The following TDRD3 variants were observed in gnomAD, a reference collection of about 807,000 sequenced individuals.
The protein encoded by TDRD3 is tudor domain containing 3, also known as tudor domain-containing protein 3.
TDRD3 carries 45 observed loss-of-function variants against 86.7 expected under a neutral mutation model. The ratio of observed to expected loss-of-function variants is 0.52; its 90% confidence interval spans 0.41 to 0.67. TDRD3 has a LOEUF of 0.67. Ranked by LOEUF, TDRD3 falls within the 30% of genes least tolerant of loss-of-function variation. The pLI, the probability that TDRD3 is intolerant of heterozygous loss-of-function variation, is 0.00. For synonymous variants in TDRD3, 298 were observed against 301.7 expected, an observed-to-expected ratio of 0.99 and a Z score of 0.13; for missense variants, 814 against 889.0, an observed-to-expected ratio of 0.92 and a Z score of 1.07.
intron 5 of TDRD3, among the ~76,000 whole-genome samples, chr13:60,478,265 T>C (rs1956232413): frequency 6.6e-6 from 1 of 151,890 alleles, no homozygotes; most frequent in Admixed American, 6.6e-5. Flanking sequence ...TCTCTCTTTT[T>C]TGTTAATCTA....
At chr13:60,500,362 G>A (rs1321977108) in intron 8 of TDRD3, among the ~76,000 whole-genome samples, 2 of 152,168 alleles carry the variant, frequency 1.3e-5, no homozygotes, top group Non-Finnish European at 2.9e-5. Context: ...TGGCTCAAAT[G>A]TCCATGGTCT....
intron 5 of TDRD3, among the ~76,000 whole-genome samples, chr13:60,480,469 G>A (rs1247341891): frequency 1.3e-5 from 2 of 152,044 alleles, no homozygotes; most frequent in Non-Finnish European, 2.9e-5. Context: ...TGTGTCTTGG[G>A]AATAGTCATC....
chr13:60,527,970 G>T (rs1273052142), intron 10 of TDRD3, among the ~76,000 whole-genome samples: 2 of 152,258 alleles, frequency 1.3e-5, no homozygotes, highest in Admixed American at 6.5e-5. Context: ...AAATTAGAGT[G>T]GCATTCAGAA....
intron 1 of TDRD3, among the ~76,000 whole-genome samples, chr13:60,418,041 T>C (rs1052172152): frequency 6.6e-6 from 1 of 152,218 alleles, no homozygotes; most frequent in Non-Finnish European, 1.5e-5. Flanking sequence ...GAATGAGTTA[T>C]CTATAAAGGT....
intron 3 of TDRD3, among the ~76,000 whole-genome samples, chr13:60,448,908 A>T (rs1426780114): frequency 6.6e-6 from 1 of 152,114 alleles, no homozygotes; most frequent in Admixed American, 6.6e-5. Flanking sequence ...CAATTCAGCT[A>T]CTCGAGGACC....
At chr13:60,443,909 A>G (rs552295827) in intron 2 of TDRD3, among the ~76,000 whole-genome samples, 6 of 151,940 alleles carry the variant, frequency 3.9e-5, no homozygotes, top group Non-Finnish European at 4.4e-5. Flanking sequence ...GAGTACTGAC[A>G]GTTTTCCTGT....
In TDRD3 at chr13:60,495,712, G is replaced by A. The variant is rs374968405; in HGVS notation, c.858+1137G>A. On this transcript the variant is annotated intron_variant, in intron 8 of 13. Transcript: ENST00000377881. ...ACTCCTGACCTCAGATGATCCACCCGCTTCTTCGGCCTCCCAAGGTGCTGG... is the reference window on the plus strand; with the variant it reads ...ACTCCTGACCTCAGATGATCCACCCACTTCTTCGGCCTCCCAAGGTGCTGG... Among the ~76,000 whole-genome samples the A allele has an allele frequency of 2.2e-3, 340 of 152,142 alleles. 1 individual carries two copies. Among genetic ancestry groups the A allele is most frequent in the Middle Eastern group, 0.014 (4 of 294 alleles).
At chr13:60,421,664 T>C (rs1469037854) in intron 1 of TDRD3, among the ~76,000 whole-genome samples, 2 of 152,116 alleles carry the variant, frequency 1.3e-5, no homozygotes, top group East Asian at 3.9e-4. Flanking sequence ...AAAACAATGC[T>C]CTCAACCTTA....
intron 1 of TDRD3, among the ~76,000 whole-genome samples, chr13:60,432,492 T>C (rs1954978188): frequency 6.6e-6 from 1 of 152,146 alleles, no homozygotes; most frequent in African/African-American, 2.4e-5. Flanking sequence ...ATTGGCAAGT[T>C]AATTCTTTCA....
upstream of TDRD3, among the ~76,000 whole-genome samples, chr13:60,395,538 A>G (rs1046147319): frequency 6.6e-6 from 1 of 152,352 alleles, no homozygotes; most frequent in African/African-American, 2.4e-5. Context: ...TTTGTGGAGT[A>G]CTTTATTATT....
intron 10 of TDRD3, among the ~76,000 whole-genome samples, chr13:60,518,165 C>T (rs1284261421): frequency 6.6e-6 from 1 of 152,202 alleles, no homozygotes; most frequent in Non-Finnish European, 1.5e-5. Context: ...TCCTCTGAGA[C>T]AGTGATGCAG....
At chr13:60,482,040 G>A (rs545656303) in intron 5 of TDRD3, among the ~76,000 whole-genome samples, 1 of 152,232 alleles carries the variant, frequency 6.6e-6, no homozygotes, top group East Asian at 1.9e-4. Flanking sequence ...TAGTCTGCAT[G>A]GTCTGATCTG....
intron 1 of TDRD3, among the ~76,000 whole-genome samples, chr13:60,433,643 G>A (rs1955009483): frequency 6.6e-6 from 1 of 152,194 alleles, no homozygotes; most frequent in African/African-American, 2.4e-5. Flanking sequence ...TGTTTAATAA[G>A]TACAAAGTAC....
intron 5 of TDRD3, among the ~76,000 whole-genome samples, chr13:60,469,009 G>A (rs1956015511): frequency 6.6e-6 from 1 of 152,154 alleles, no homozygotes; most frequent in Non-Finnish European, 1.5e-5. Context: ...GGAAGTGCCT[G>A]TGTTTGGGAG....
intron 1 of TDRD3, among the ~76,000 whole-genome samples, chr13:60,433,261 T>C (rs926637711): frequency 1.3e-5 from 2 of 152,244 alleles, no homozygotes; most frequent in Non-Finnish European, 2.9e-5. Context: ...TGTTTGCTTT[T>C]ATGGCTCACT....
At chr13:60,493,207 C>T (rs891147252) in intron 7 of TDRD3, among the ~76,000 whole-genome samples, 6 of 151,854 alleles carry the variant, frequency 4.0e-5, no homozygotes, top group South Asian at 2.1e-4. Context: ...CGTGAGCCAC[C>T]GCGCCCGGCC....
chr13:60,536,525 C>G (rs1173268430), intron 12 of TDRD3: 1 of 152,028 alleles, frequency 6.6e-6, no homozygotes, highest in Non-Finnish European at 1.5e-5. Flanking sequence ...CATTAATACA[C>G]ACATTTTAAT....
At chr13:60,479,168 A>C (rs1254981146) in intron 5 of TDRD3, among the ~76,000 whole-genome samples, 2 of 152,202 alleles carry the variant, frequency 1.3e-5, no homozygotes, top group Middle Eastern at 3.4e-3. Context: ...TCCTCTTATC[A>C]CTGCTTTAGC....
intron 1 of TDRD3, among the ~76,000 whole-genome samples, chr13:60,408,294 C>G (rs976707888): frequency 6.6e-6 from 1 of 152,106 alleles, no homozygotes; most frequent in Admixed American, 6.6e-5. Context: ...TTATCAGCAG[C>G]ATGAAAAAGA....
Sources: gnomAD v4.1 joint callset for allele counts (sites outside exome capture counted in the v4.1 genomes callset) on GRCh38, gnomAD v4.1.1 for gene constraint, MANE v1.5 for transcripts, NCBI Gene and HGNC (gene_info 2026-07-23, HGNC 2026-07-21) for gene names.